EGLN3: variants seen among roughly 807,000 people sequenced by gnomAD.
EGLN3 encodes the protein egl-9 family hypoxia inducible factor 3, also known as prolyl hydroxylase EGLN3.
A neutral mutation model predicts 26.0 loss-of-function variants in EGLN3; 15 were observed. The observed-to-expected ratio is 0.58, with a 90% CI of 0.39 to 0.89. The LOEUF (loss-of-function observed/expected upper bound fraction) is 0.89. Ranked by LOEUF, EGLN3 falls within the 40% of genes least tolerant of loss-of-function variation. The pLI, the probability that EGLN3 is intolerant of heterozygous loss-of-function variation, is 0.00. For missense variants in EGLN3, 238 were observed against 311.6 expected (o/e 0.76, Z 1.78); for synonymous variants, 147 against 127.2 (o/e 1.16, Z -1.05).
At chr14:33,949,919 T>G in intron 1 of EGLN3, 1 of 227,552 alleles carries the variant, frequency 4.4e-6, no homozygotes. Context: ...AACTGCCACA[T>G]GGCAAAATCA....
intron 1 of EGLN3, among the ~76,000 whole-genome samples, chr14:33,937,970 T>C (rs747520658): frequency 2.0e-5 from 3 of 152,194 alleles, no homozygotes; most frequent in East Asian, 1.9e-4. Flanking sequence ...CTTTAAAACC[T>C]GTCCTCAGAT....
At chr14:33,928,587 C>A (rs1354466608) in intron 3 of EGLN3, among the ~76,000 whole-genome samples, 1 of 152,148 alleles carries the variant, frequency 6.6e-6, no homozygotes, top group African/African-American at 2.4e-5. Context: ...AAGCCCAAGC[C>A]AATTTCAAAC....
chr14:33,943,072 C>T lies in EGLN3; in HGVS notation c.357+7324G>A, dbSNP rs577119380. On this transcript the variant is annotated intron_variant, in intron 1 of 4. Coordinates refer to ENST00000250457, the MANE Select transcript of EGLN3 (RefSeq NM_022073.4). ...CCAAAAACAGGGACAGAAACTCACC[C>T]ACAAATCAATATCAAAACAAGATGC... 3.9e-5 allele frequency among the ~76,000 whole-genome samples: 6 copies of T among 152,278 alleles called. No homozygotes were observed. The East Asian group carries it at 1.2e-3, about 29-fold the overall frequency.
Position 33,925,567 on chromosome 14 carries a change from T to C in EGLN3, c.*324A>G. ...TCAGGAAGTATACATAAAGTGCAAG[T>C]AAGGTTCATTCCCTCGCTGTGCTCC... On this transcript the variant is annotated 3_prime_UTR_variant, in exon 5 of 5. Coordinates refer to ENST00000250457, the MANE Select transcript of EGLN3 (RefSeq NM_022073.4). The C allele has an allele frequency of 7.6e-6, 2 of 264,696 alleles. No individual in the cohort carries two copies. Among genetic ancestry groups the C allele is most frequent in the East Asian group, 1.6e-4 (2 of 12,846 alleles). The allele number at this position is 264,696 out of a possible 1,614,324, so 16.4% of individuals were successfully genotyped here.
chr14:33,946,082 A>G (rs2064515686), intron 1 of EGLN3, among the ~76,000 whole-genome samples: 1 of 152,222 alleles, frequency 6.6e-6, no homozygotes, highest in African/African-American at 2.4e-5. Flanking sequence ...TTTCCTAAAA[A>G]TAACAGTAGA....
At position 33,950,949 on chromosome 14, in the gene EGLN3, G is replaced by T; in HGVS notation, c.-197C>A. ...CTCGGGAGAAGGGATCTGCCTTCGG[G>T]AACCAGCGGGAGTGGTGCGGAGCTC... On this transcript the variant is annotated 5_prime_UTR_variant, in exon 1 of 5. Coordinates refer to ENST00000250457, the MANE Select transcript of EGLN3 (RefSeq NM_022073.4). 1 of 608,566 alleles carries T rather than the reference G, an allele frequency of 1.6e-6. No homozygotes were observed. The highest frequency in any genetic ancestry group is 2.8e-5 in the East Asian group (1 of 36,202). 37.7% of individuals were successfully genotyped at this position (608,566 alleles called of 1,614,324 possible). A position where few individuals can be genotyped will look rare whatever the true frequency, so the allele number is the denominator to read the frequency against.
chr14:33,944,198 T>C (rs1264140209), intron 1 of EGLN3, among the ~76,000 whole-genome samples: 1 of 152,124 alleles, frequency 6.6e-6, no homozygotes, highest in African/African-American at 2.4e-5. Context: ...CTCGGCTCAC[T>C]GCAACCTCCA....
At chr14:33,940,964 T>G (rs556570643) in intron 1 of EGLN3, among the ~76,000 whole-genome samples, 5 of 152,300 alleles carry the variant, frequency 3.3e-5, no homozygotes, top group Admixed American at 1.3e-4. Flanking sequence ...GCGAGTCTGC[T>G]CTCTCCAGGA....
chr14:33,928,153 C>T (rs1377242280), intron 3 of EGLN3, among the ~76,000 whole-genome samples: 1 of 152,142 alleles, frequency 6.6e-6, no homozygotes, highest in Admixed American at 6.5e-5. Context: ...CCATAAAACA[C>T]AAAAGCTGAC....
intron 1 of EGLN3, among the ~76,000 whole-genome samples, chr14:33,931,980 C>A (rs2064408027): frequency 6.6e-6 from 1 of 152,174 alleles, no homozygotes; most frequent in African/African-American, 2.4e-5. Context: ...CTGAAAATTA[C>A]CATTAGAGTA....
chr14:33,944,120 T>C (rs2064501654), intron 1 of EGLN3, among the ~76,000 whole-genome samples: 1 of 152,066 alleles, frequency 6.6e-6, no homozygotes, highest in Non-Finnish European at 1.5e-5. Context: ...TTCTTTTTAA[T>C]TATTATTATT....
At chr14:33,931,384 G>A in intron 1 of EGLN3, 169 bp from the exon 2 acceptor site, 1 of 904,088 alleles carries the variant, frequency 1.1e-6, no homozygotes, top group South Asian at 1.7e-5. Context: ...ACTCTTCTGT[G>A]CACAATGGCC....
At chr14:33,944,540 AAT>A (rs1465446740) in intron 1 of EGLN3, among the ~76,000 whole-genome samples, 1 of 152,234 alleles carries the variant, frequency 6.6e-6, no homozygotes, top group Non-Finnish European at 1.5e-5. Context: ...TGTGACTTCT[AAT>A]ATCTCTCTAG....
intron 1 of EGLN3, among the ~76,000 whole-genome samples, chr14:33,937,557 G>A (rs2064451541): frequency 6.6e-6 from 1 of 152,204 alleles, no homozygotes; most frequent in Non-Finnish European, 1.5e-5. Context: ...CATCTCACCA[G>A]ACCATTTGGA....
At chr14:33,939,683 A>G (rs2064469278) in intron 1 of EGLN3, among the ~76,000 whole-genome samples, 1 of 152,182 alleles carries the variant, frequency 6.6e-6, no homozygotes, top group Non-Finnish European at 1.5e-5. Context: ...TATGTGCCCA[A>G]CACTGTTCTG....
intron 1 of EGLN3, among the ~76,000 whole-genome samples, chr14:33,935,331 T>A (rs185178135): frequency 6.6e-6 from 1 of 152,312 alleles, no homozygotes; most frequent in East Asian, 1.9e-4. Flanking sequence ...TACTTAAGTG[T>A]TTTGTAGTTT....
chr14:33,950,690 G>A lies in EGLN3; in HGVS notation c.63C>T (p.Pro21=), dbSNP rs778862221. The A allele has an allele frequency of 1.4e-4, 223 of 1,614,058 alleles. 3 individuals are homozygous for A. Among genetic ancestry groups the A allele is most frequent in the South Asian group, 1.3e-3 (116 of 91,086 alleles). Residue 21 remains proline (P), a synonymous_variant, in exon 1 of 5, where the codon CCC becomes CCT. Transcript: ENST00000250457. ...LEKIALEYIV[P]CLHEVGFCYL... ...AGCAGAAGCCCACCTCGTGCAGACA[G>A]GGCACGATGTACTCCAGGGCAATTT...
chr14:33,931,008 G>A (rs962336523), intron 2 of EGLN3, 88 bp downstream of exon 2: 2 of 1,547,198 alleles, frequency 1.3e-6, no homozygotes, highest in Non-Finnish European at 1.8e-6. Flanking sequence ...CGGCAACTAT[G>A]AACTCAATAT....
intron 1 of EGLN3, among the ~76,000 whole-genome samples, chr14:33,934,056 T>C (rs993986854): frequency 6.6e-6 from 1 of 152,248 alleles, no homozygotes; most frequent in Admixed American, 6.5e-5. Context: ...AACACAGTAG[T>C]GTCATCTACA....
Sources: allele counts gnomAD v4.1 joint callset (sites outside exome capture counted in the v4.1 genomes callset), GRCh38; gene constraint gnomAD v4.1.1; transcripts MANE v1.5; gene names NCBI Gene and HGNC (gene_info 2026-07-23, HGNC 2026-07-21).